The following UBR4 variants were observed in gnomAD, a reference collection of about 807,000 sequenced individuals.
UBR4 encodes E3 ubiquitin-protein ligase UBR4.
A neutral mutation model predicts 575.6 loss-of-function variants in UBR4; 124 were observed. The observed-to-expected ratio is 0.22, with a 90% CI of 0.19 to 0.25. The LOEUF is 0.25. Ranked by LOEUF, UBR4 falls within the 10% of genes least tolerant of loss-of-function variation. The pLI is 1.00. For missense variants in UBR4, 4,818 were observed against 6,478.8 expected, an observed-to-expected ratio of 0.74 and a Z score of 8.80; for synonymous variants, 2,455 against 2,473.7, an observed-to-expected ratio of 0.99 and a Z score of 0.22.
chr1:19,099,454 C>G (rs1280635078), intron 90 of UBR4, 143 bp downstream of exon 90: 4 of 675,234 alleles, frequency 5.9e-6, no homozygotes, highest in Non-Finnish European at 9.9e-6. Flanking sequence ...GTTTTCTCCA[C>G]ACAACCCCAA....
At chr1:19,094,339 G>A (rs1311844730) in intron 94 of UBR4, among the ~76,000 whole-genome samples, 200 bp from the exon 95 acceptor site, 1 of 152,192 alleles carries the variant, frequency 6.6e-6, no homozygotes, top group Non-Finnish European at 1.5e-5. Context: ...CTGTGACAGT[G>A]CTGTTAATTG....
At chr1:19,159,603 CTT>C (rs35082539) in intron 39 of UBR4, among the ~76,000 whole-genome samples, 29 of 139,598 alleles carry the variant, frequency 2.1e-4, no homozygotes, top group Admixed American at 3.6e-4. Flanking sequence ...AGCCCCACTC[CTT>C]TTTTTTTTTT....
chr1:19,139,748 G>C lies in UBR4; in HGVS notation c.8594-528C>G, dbSNP rs1420424988. Among the ~76,000 whole-genome samples, 4 of 152,110 alleles carry C rather than the reference G, an allele frequency of 2.6e-5. No homozygotes were observed. Among genetic ancestry groups the C allele is most frequent in the Non-Finnish European group, 4.4e-5 (3 of 68,018 alleles). On this transcript the variant is annotated intron_variant, in intron 58 of 105. Transcript: ENST00000375254. This position sits in a 1 kb window ranked among gnomAD's most constrained non-coding sequence, Gnocchi z 4.2. ...TGAGCTCTTGAATCAACCCTGTTTTGGTTTTTTTAGCAAGTGGTCCAGAGG... is the reference window on the plus strand; with the variant it reads ...TGAGCTCTTGAATCAACCCTGTTTTCGTTTTTTTAGCAAGTGGTCCAGAGG...
chr1:19,131,101 G>T (rs141070529), intron 60 of UBR4, among the ~76,000 whole-genome samples: 2,984 of 151,314 alleles, frequency 0.02, 41 homozygotes, highest in South Asian at 0.056. Flanking sequence ...TAGAGACAGG[G>T]TCTCCCTATG....
Position 19,138,182 on chromosome 1 carries a change from C to A in UBR4, c.8732-1G>T. 1 of 1,498,162 alleles carries A rather than the reference C, an allele frequency of 6.7e-7. No homozygotes were observed. The highest frequency in any genetic ancestry group is 9.0e-7 in the Non-Finnish European group (1 of 1,113,308). The allele number at this position is 1,498,162 out of a possible 1,614,324, so 92.8% of individuals were successfully genotyped here. On this transcript the variant is annotated splice_acceptor_variant, in intron 59 of 105. Transcript: ENST00000375254. LOFTEE classifies it high-confidence loss of function. ...CCATAAGCACTGCTCCGGCCAGATA[C>A]TAGAGGGAAATGGTTTAAAAAGCAC...
Position 19,121,929 on chromosome 1 carries a change from C to T in UBR4, c.9895+5G>A. 6.2e-7 allele frequency: 1 copy of T among 1,614,134 alleles called. No individual in the cohort carries two copies. Among genetic ancestry groups the T allele is most frequent in the Non-Finnish European group, 8.5e-7 (1 of 1,179,998 alleles). On this transcript the variant is annotated splice_donor_5th_base_variant and intron_variant, in intron 67 of 105. Coordinates refer to ENST00000375254, the MANE Select transcript of UBR4 (RefSeq NM_020765.3). ...ACAGCAATCAAAAGGAGCAGCATTG[C>T]TTACAGTCATCTTTGATGCAGAATT...
In UBR4 at chr1:19,156,782, C is replaced by G. The variant is rs1382535670; in HGVS notation, c.5904G>C (p.Ala1968=). The change falls in exon 41 of 106, where the codon GCG becomes GCC. Residue 1968 remains alanine, a synonymous_variant. Coordinates refer to ENST00000375254, the MANE Select transcript of UBR4 (RefSeq NM_020765.3). ...GGATTTTTACCTTTAGCCCACAAACCGCCAAGTAGTCTTCCTTGCAGGGAT... is the reference window on the plus strand; with the variant it reads ...GGATTTTTACCTTTAGCCCACAAACGGCCAAGTAGTCTTCCTTGCAGGGAT... ...TGNPCKEDYL[A]VCGLKDCHVL... 3 of 1,613,400 alleles carry G rather than the reference C, an allele frequency of 1.9e-6. No individual in the cohort carries two copies. Among genetic ancestry groups the G allele is most frequent in the Middle Eastern group, 1.7e-4 (1 of 6,048 alleles).
intron 66 of UBR4, 143 bp downstream of exon 66, chr1:19,122,690 T>C (rs1039271035): frequency 1.4e-5 from 13 of 915,836 alleles, no homozygotes; most frequent in Middle Eastern, 6.3e-4. Flanking sequence ...ACAGGGGTTA[T>C]GGATTTACCC....
intron 5 of UBR4, 61 bp downstream of exon 5, chr1:19,198,480 C>T (rs2092585488): frequency 2.6e-6 from 4 of 1,562,342 alleles, no homozygotes; most frequent in Non-Finnish European, 3.5e-6. Flanking sequence ...CTTTTTCTCC[C>T]CTAGTGTTAT....
intron 8 of UBR4, among the ~76,000 whole-genome samples, chr1:19,194,565 G>A (rs1299498043): frequency 2.6e-5 from 4 of 152,140 alleles, no homozygotes; most frequent in African/African-American, 9.7e-5. Context: ...ACTTTGGGAG[G>A]CCCAGGTGGG....
In UBR4 at chr1:19,105,073, G is replaced by A. The variant is rs148444542; in HGVS notation, c.12620C>T (p.Pro4207Leu). The change falls in exon 85 of 106, where the codon CCC (proline) becomes CTC (leucine). Residue 4207 changes from proline (P) to leucine (L), a missense_variant. Physicochemically the swap from Pro to Leu is moderately conservative, Grantham distance 98. This residue lies in a region of UBR4 where 178 missense variants were observed against 175.5 expected (regional missense o/e 1.01). Transcript: ENST00000375254. ...CTTGGTGATGAGGTTGCCCACATAG[G>A]GTAGGACTCCCCGAGCTGCCAAGTA... ...KVYLAARGVL[P>L]YVGNLITKEI... The A allele has an allele frequency of 1.5e-4, 245 of 1,613,854 alleles. 3 individuals carry two copies. Among genetic ancestry groups the A allele is most frequent in the Middle Eastern group, 9.9e-4 (6 of 6,084 alleles).
Position 19,156,640 on chromosome 1 carries a change from T to C in UBR4, c.5919+127A>G, listed in dbSNP as rs567631764. 1.7e-4 allele frequency: 234 copies of C among 1,415,044 alleles called. No individual in the cohort carries two copies. In the African/African-American group the frequency reaches 2.5e-3, roughly 15 times the overall value. The allele number at this position is 1,415,044 out of a possible 1,614,324, so 87.7% of individuals were successfully genotyped here. A position where few individuals can be genotyped will look rare whatever the true frequency, so the allele number is the denominator to read the frequency against. On this transcript the variant is annotated intron_variant, in intron 41 of 105. Coordinates refer to ENST00000375254, the MANE Select transcript of UBR4 (RefSeq NM_020765.3). ...GGAGAAATTCAAAGAAAAATTCCTTTTGCATTTCAGTAGGTTTTAAATTTT... is the reference window on the plus strand; with the variant it reads ...GGAGAAATTCAAAGAAAAATTCCTTCTGCATTTCAGTAGGTTTTAAATTTT...
chr1:19,105,643 T>G, intron 84 of UBR4, 90 bp downstream of exon 84: 1 of 1,017,432 alleles, frequency 9.8e-7, no homozygotes, highest in Non-Finnish European at 1.4e-6. Flanking sequence ...GGTGTGCCTC[T>G]CATTACCCTG....
Position 19,155,454 on chromosome 1 carries a change from T to G in UBR4, c.6287A>C (p.His2096Pro). The G allele has an allele frequency of 6.2e-7, 1 of 1,614,070 alleles. No homozygotes were observed. The highest frequency in any genetic ancestry group is 8.5e-7 in the Non-Finnish European group (1 of 1,179,962). The change falls in exon 43 of 106, where the codon CAT (histidine) becomes CCT (proline). Residue 2096 changes from histidine to proline, a missense_variant. Physicochemically the swap from His to Pro is moderately conservative, Grantham distance 77. Coordinates refer to ENST00000375254, the MANE Select transcript of UBR4 (RefSeq NM_020765.3). ...ATGTGCTCTAACCTTCAGGTCCTCA[T>G]GATTGATTTCCAACACATTAGTGAC... ...FYVTNVLEIN[H>P]EDLKDSNSQV...
chr1:19,107,010 A>T (rs751304273), intron 81 of UBR4, 44 bp from the exon 82 acceptor site: 1 of 1,605,162 alleles, frequency 6.2e-7, no homozygotes, highest in African/African-American at 1.3e-5. Flanking sequence ...TCAAGGGCAC[A>T]CCTGAGCCAT....
chr1:19,143,757 T>C (rs554641177), intron 55 of UBR4, among the ~76,000 whole-genome samples: 19 of 152,376 alleles, frequency 1.2e-4, no homozygotes, highest in Middle Eastern at 3.4e-3. Context: ...ATGGTACTTT[T>C]ATTTTCCCAT....
intron 41 of UBR4, 49 bp downstream of exon 41, chr1:19,156,718 G>T: frequency 6.3e-7 from 1 of 1,579,162 alleles, no homozygotes; most frequent in South Asian, 1.2e-5. Context: ...GAGAGAAAAT[G>T]ACTAGAATCC....
intron 28 of UBR4, 96 bp from the exon 29 acceptor site, chr1:19,167,327 G>A: frequency 7.3e-7 from 1 of 1,370,520 alleles, no homozygotes; most frequent in Non-Finnish European, 1.0e-6. Flanking sequence ...CGGGGAAGAG[G>A]GGAAGGGGAA....
chr1:19,091,148 C>T (rs1375395469), intron 97 of UBR4, among the ~76,000 whole-genome samples: 1 of 151,540 alleles, frequency 6.6e-6, no homozygotes, highest in Non-Finnish European at 1.5e-5. Flanking sequence ...GAGTTCCAAA[C>T]TCATTGTGTT....
Sources: allele counts gnomAD v4.1 joint callset (sites outside exome capture counted in the v4.1 genomes callset), GRCh38; gene constraint gnomAD v4.1.1; regional missense constraint gnomAD v4.1.1; non-coding constraint Gnocchi (gnomAD v3.1); transcripts MANE v1.5; gene names NCBI Gene and HGNC (gene_info 2026-07-23, HGNC 2026-07-21).